Variants in GRID1 observed in about 807,000 individuals in gnomAD.
The protein encoded by GRID1 is glutamate ionotropic receptor delta type subunit 1, also known as glutamate receptor ionotropic, delta-1.
A neutral mutation model predicts 98.0 loss-of-function variants in GRID1; 28 were observed. That is an observed-to-expected ratio of 0.29 (90% CI 0.21 to 0.39). GRID1 has a LOEUF of 0.39. Ranked by LOEUF, GRID1 falls within the 10% of genes least tolerant of loss-of-function variation. GRID1 has a pLI of 1.00. For synonymous variants in GRID1, 553 were observed against 538.5 expected (o/e 1.03, Z -0.37); for missense variants, 1,111 against 1,340.5 (o/e 0.83, Z 2.67).
intron 2 of GRID1, among the ~76,000 whole-genome samples, chr10:86,245,779 C>G (rs1846716848): frequency 6.6e-6 from 1 of 152,238 alleles, no homozygotes; most frequent in African/African-American, 2.4e-5. Flanking sequence ...AAAGGAAGCC[C>G]CCGCTTCCCA....
intron 8 of GRID1, among the ~76,000 whole-genome samples, chr10:85,793,280 A>G (rs138633376): frequency 9.0e-4 from 137 of 152,240 alleles, no homozygotes; most frequent in African/African-American, 3.2e-3. Context: ...CTGGATCCTT[A>G]GCCTGCCCCC....
chr10:85,842,573 C>T (rs1842970907), intron 8 of GRID1, among the ~76,000 whole-genome samples: 1 of 151,952 alleles, frequency 6.6e-6, no homozygotes, highest in Non-Finnish European at 1.5e-5. Flanking sequence ...ACAAGAGATA[C>T]TATTACAGAT....
At chr10:86,122,346 G>C (rs993274660) in intron 4 of GRID1, among the ~76,000 whole-genome samples, 2 of 152,246 alleles carry the variant, frequency 1.3e-5, no homozygotes, top group Non-Finnish European at 2.9e-5. Context: ...AGGTCCCTCT[G>C]TCTGACCCTG....
At chr10:86,314,326 T>C (rs527568416) in intron 2 of GRID1, among the ~76,000 whole-genome samples, 1 of 152,304 alleles carries the variant, frequency 6.6e-6, no homozygotes, top group Admixed American at 6.5e-5. Context: ...TCCCAAGGGT[T>C]GTCCCAACCA....
chr10:86,327,327 C>G lies in GRID1; in HGVS notation c.235+36614G>C, dbSNP rs533790032. 1.6e-3 allele frequency among the ~76,000 whole-genome samples: 245 copies of G among 152,304 alleles called. 4 individuals carry two copies. The highest frequency in any genetic ancestry group is 1.5e-4 in the Non-Finnish European group (10 of 68,032). ...AACACTGGTTATATATTAGTTATCT[C>G]TACCCAGCATGCCCTCATCAGGACG... On this transcript the variant is annotated intron_variant, in intron 2 of 15. Transcript: ENST00000327946.
At chr10:85,770,305 T>G (rs1842248897) in intron 8 of GRID1, among the ~76,000 whole-genome samples, 2 of 151,866 alleles carry the variant, frequency 1.3e-5, no homozygotes, top group Admixed American at 1.3e-4. Flanking sequence ...AGAAAGGACA[T>G]CCACACCAAA....
rs374101770 is a variant in GRID1, at chr10:85,785,073, C to T, written c.1234-55459G>A. ...CACCCAGCATGGCTTCTGAACCAGT[C>T]ATTTGATCTGGGGCCTGGCCTGACT... is the stretch of plus-strand genomic sequence containing the variant. On this transcript the variant is annotated intron_variant, in intron 8 of 15. Coordinates refer to ENST00000327946, the MANE Select transcript of GRID1 (RefSeq NM_017551.3). Among the ~76,000 whole-genome samples, 11 of 152,318 alleles carry T rather than the reference C, an allele frequency of 7.2e-5. No homozygotes were observed. In the East Asian group the frequency reaches 1.2e-3, roughly 16 times the overall value.
chr10:86,120,212 C>T (rs1029452639), intron 4 of GRID1, among the ~76,000 whole-genome samples: 31 of 152,142 alleles, frequency 2.0e-4, no homozygotes, highest in African/African-American at 7.2e-4. Context: ...TATTAAAATA[C>T]CAATTGCTCT....
intron 4 of GRID1, among the ~76,000 whole-genome samples, chr10:86,031,986 C>A (rs548313214): frequency 6.6e-6 from 1 of 152,194 alleles, no homozygotes; most frequent in African/African-American, 2.4e-5. Context: ...GAGGGGCCTT[C>A]TCTCCCCTCC....
intron 4 of GRID1, among the ~76,000 whole-genome samples, chr10:86,016,475 T>A (rs1209405644): frequency 6.6e-6 from 1 of 152,128 alleles, no homozygotes; most frequent in African/African-American, 2.4e-5. Context: ...TCTTCATGTG[T>A]AACCATGTAA....
At chr10:85,773,772 G>A (rs1282759004) in intron 8 of GRID1, among the ~76,000 whole-genome samples, 9 of 152,186 alleles carry the variant, frequency 5.9e-5, no homozygotes, top group Non-Finnish European at 8.8e-5. Flanking sequence ...TACAAGGAAC[G>A]TGAAGGACCT....
At chr10:86,177,194 G>A (rs1167181687) in intron 3 of GRID1, among the ~76,000 whole-genome samples, 2 of 151,656 alleles carry the variant, frequency 1.3e-5, no homozygotes, top group African/African-American at 4.8e-5. Context: ...GGAGGAAAAA[G>A]CCAGGTCTGC....
At chr10:86,058,360 C>T (rs2131911143) in intron 4 of GRID1, among the ~76,000 whole-genome samples, 1 of 152,290 alleles carries the variant, frequency 6.6e-6, no homozygotes, top group African/African-American at 2.4e-5. Flanking sequence ...TCAAGTCCAA[C>T]CTCTCCATGT....
chr10:86,151,873 C>T (rs573342154), intron 3 of GRID1, among the ~76,000 whole-genome samples: 2 of 152,314 alleles, frequency 1.3e-5, no homozygotes, highest in African/African-American at 4.8e-5. Flanking sequence ...CCCACCCTCT[C>T]AGTGACAGGC....
At chr10:86,151,757 C>T (rs896298446) in intron 3 of GRID1, among the ~76,000 whole-genome samples, 1 of 152,204 alleles carries the variant, frequency 6.6e-6, no homozygotes, top group Non-Finnish European at 1.5e-5. Flanking sequence ...CAGGGGCTGT[C>T]ACCCACCCAC....
chr10:85,935,447 G>A (rs933196694), intron 4 of GRID1, among the ~76,000 whole-genome samples: 2 of 152,212 alleles, frequency 1.3e-5, no homozygotes, highest in Non-Finnish European at 2.9e-5. Context: ...CCTCCGAACA[G>A]AGGCAGCCTG....
At chr10:86,279,920 C>T (rs1013465185) in intron 2 of GRID1, among the ~76,000 whole-genome samples, 1 of 152,176 alleles carries the variant, frequency 6.6e-6, no homozygotes, top group African/African-American at 2.4e-5. Flanking sequence ...TATTAATATA[C>T]AGGCTGGGTG....
At chr10:86,125,882 T>C (rs1564682668) in intron 4 of GRID1, among the ~76,000 whole-genome samples, 1 of 152,224 alleles carries the variant, frequency 6.6e-6, no homozygotes, top group Non-Finnish European at 1.5e-5. Flanking sequence ...AAGAATATAG[T>C]ATATAATACC....
chr10:86,318,719 T>C (rs76277822), intron 2 of GRID1, among the ~76,000 whole-genome samples: 2,741 of 152,314 alleles, frequency 0.018, 73 homozygotes, highest in African/African-American at 0.063. Flanking sequence ...ATCTGCTAGA[T>C]ACTCATTCAC....
Sources: allele counts gnomAD v4.1 joint callset (sites outside exome capture counted in the v4.1 genomes callset), GRCh38; gene constraint gnomAD v4.1.1; transcripts MANE v1.5; gene names NCBI Gene and HGNC (gene_info 2026-07-23, HGNC 2026-07-21).